Variants in BRD1 observed in about 807,000 individuals in gnomAD.
BRD1 encodes the protein bromodomain-containing protein 1.
A neutral mutation model predicts 107.7 loss-of-function variants in BRD1; 24 were observed. The observed-to-expected ratio is 0.22, with a 90% confidence interval of 0.16 to 0.31. BRD1 has a LOEUF of 0.31. BRD1 is among the 10% of genes least tolerant of loss of function. BRD1 has a pLI of 1.00. For synonymous variants in BRD1, 744 were observed against 686.1 expected (o/e 1.08, Z -1.32); for missense variants, 1,279 against 1,638.6 (o/e 0.78, Z 3.79).
chr22:49,789,716 AACGGGC>A (rs1387608640), intron 7 of BRD1, among the ~76,000 whole-genome samples: 1 of 152,070 alleles, frequency 6.6e-6, no homozygotes, highest in Non-Finnish European at 1.5e-5. Flanking sequence ...ACAGCTATCT[AACGGGC>A]ACCGTAAACC....
intron 2 of BRD1, among the ~76,000 whole-genome samples, chr22:49,820,065 G>A (rs1038731248): frequency 1.3e-5 from 2 of 152,100 alleles, no homozygotes; most frequent in East Asian, 3.9e-4. Flanking sequence ...AGGAGGTGGA[G>A]GTTGCAGTGA....
chr22:49,811,923 T>C (rs2059857690), intron 2 of BRD1, among the ~76,000 whole-genome samples: 1 of 152,242 alleles, frequency 6.6e-6, no homozygotes, highest in African/African-American at 2.4e-5. Flanking sequence ...TGATTTGGCA[T>C]GTATCAAACA....
intron 2 of BRD1, 57 bp downstream of exon 2, chr22:49,822,894 C>T: frequency 1.3e-6 from 2 of 1,575,104 alleles, no homozygotes; most frequent in East Asian, 4.5e-5. Context: ...GTGCCCACGT[C>T]CTCCCAGGGT....
intron 7 of BRD1, among the ~76,000 whole-genome samples, chr22:49,791,276 C>T (rs9616352): frequency 6.6e-6 from 1 of 152,238 alleles, no homozygotes; most frequent in African/African-American, 2.4e-5. Flanking sequence ...GCGGGAGGGC[C>T]TGTACAAGGG....
chr22:49,778,509 A>G (rs2059143238), intron 8 of BRD1, among the ~76,000 whole-genome samples: 1 of 152,242 alleles, frequency 6.6e-6, no homozygotes, highest in Non-Finnish European at 1.5e-5. Flanking sequence ...GGCAAATCTC[A>G]GTATTTTCCC....
intron 7 of BRD1, among the ~76,000 whole-genome samples, chr22:49,791,100 C>T (rs1267226620): frequency 1.3e-5 from 2 of 152,278 alleles, no homozygotes; most frequent in Non-Finnish European, 2.9e-5. Flanking sequence ...CTGCCAGCTG[C>T]AGATCCGTCC....
Position 49,823,756 on chromosome 22 carries a change from A to G in BRD1, c.562T>C (p.Phe188Leu). The G allele has an allele frequency of 6.2e-7, 1 of 1,614,056 alleles. No homozygotes were observed. Among genetic ancestry groups the G allele is most frequent in the Non-Finnish European group, 8.5e-7 (1 of 1,180,008 alleles). Residue 188 changes from phenylalanine to leucine, a missense_variant, in exon 2 of 13, where the codon TTC becomes CTC. This residue lies in a region of BRD1 where 223 missense variants were observed against 263.5 expected (regional missense o/e 0.85). Transcript: ENST00000404760. ...VPAVSQSMFE[F>L]LMDRFEKESH... is the part of the protein sequence containing the mutation. ...TCCTTCTCGAAGCGGTCCATCAGGA[A>G]CTCAAACATGCTCTGCGACACGGCG...
chr22:49,820,316 C>T (rs1191283814), intron 2 of BRD1, among the ~76,000 whole-genome samples: 3 of 152,258 alleles, frequency 2.0e-5, no homozygotes, highest in African/African-American at 2.4e-5. Context: ...TCCCTTCCAG[C>T]GTGACTGGCT....
In BRD1 at chr22:49,776,121, C is replaced by T. The variant is rs770025608; in HGVS notation, c.3160G>A (p.Ala1054Thr). The T allele has an allele frequency of 1.1e-5, 18 of 1,606,700 alleles. No individual in the cohort carries two copies. The highest frequency in any genetic ancestry group is 1.7e-4 in the Middle Eastern group (1 of 6,058). Reference protein sequence around the residue: ...QSSMWISTDAAASVLEPLKVV... With the variant: ...QSSMWISTDATASVLEPLKVV... ...TTCAGAGGCTCCAGCACCGAGGCGG[C>T]GGCATCAGTGGAGATCCACATGCTG... Residue 1054 changes from alanine (A) to threonine (T), a missense_variant, in exon 11 of 13, where the codon GCC (alanine) becomes ACC (threonine). Transcript: ENST00000404760.
At position 49,824,369 on chromosome 22, in the gene BRD1, G is replaced by A. The variant is rs774599876; in HGVS notation, c.-14-38C>T. 5 of 1,595,492 alleles carry A rather than the reference G, an allele frequency of 3.1e-6. No homozygotes were observed. Among genetic ancestry groups the A allele is most frequent in the South Asian group, 1.1e-5 (1 of 89,118 alleles). Reference sequence around the variant, plus strand: ...CAAAAGTAAAGGTAATTCTACGCAGGGTGACCAAAGACTCGAGAAAACCAC... The same window carrying A: ...CAAAAGTAAAGGTAATTCTACGCAGAGTGACCAAAGACTCGAGAAAACCAC... On this transcript the variant is annotated intron_variant, in intron 1 of 12. Coordinates refer to ENST00000404760, the MANE Select transcript of BRD1 (RefSeq NM_001304808.3). This position sits in a 1 kb window ranked among gnomAD's most constrained non-coding sequence, Gnocchi z 5.9.
At chr22:49,782,666 C>A (rs1056005386) in intron 8 of BRD1, among the ~76,000 whole-genome samples, 1 of 147,004 alleles carries the variant, frequency 6.8e-6, no homozygotes, top group Non-Finnish European at 1.5e-5. Flanking sequence ...ACCCACTCCG[C>A]GACAATGCAG....
rs778589209 is a variant in BRD1 at position 49,824,418 on chromosome 22, G to A, written c.-14-87C>T. ...ACAAAAGCATGCTTGGACAGATCTAGCTCAGCAGCTCAAAGCCCAATCAAA... is the reference window on the plus strand; with the variant it reads ...ACAAAAGCATGCTTGGACAGATCTAACTCAGCAGCTCAAAGCCCAATCAAA... On this transcript the variant is annotated intron_variant, in intron 1 of 12. Coordinates refer to ENST00000404760, the MANE Select transcript of BRD1 (RefSeq NM_001304808.3). The surrounding 1 kb of genome is among the most constrained non-coding windows in gnomAD (Gnocchi z 5.9). The A allele has an allele frequency of 3.2e-5, 49 of 1,514,878 alleles. No individual in the cohort carries two copies. The highest frequency in any genetic ancestry group is 4.2e-5 in the Non-Finnish European group (48 of 1,139,220). 93.8% of individuals were successfully genotyped at this position (1,514,878 alleles called of 1,614,324 possible).
At chr22:49,785,689 A>T (rs80173247) in intron 8 of BRD1, among the ~76,000 whole-genome samples, 2 of 152,262 alleles carry the variant, frequency 1.3e-5, no homozygotes, top group Non-Finnish European at 2.9e-5. Flanking sequence ...AAATTATTTT[A>T]AAATGCCAAT....
At chr22:49,798,177 A>C in intron 5 of BRD1, 60 bp from the exon 6 acceptor site, 1 of 1,447,760 alleles carries the variant, frequency 6.9e-7, no homozygotes, top group Non-Finnish European at 9.4e-7. Context: ...AGTTGACTCT[A>C]TATTTATTAT....
chr22:49,824,236 G>A lies in BRD1; in HGVS notation c.82C>T (p.Arg28Ter). 1 of 1,613,988 alleles carries A rather than the reference G, an allele frequency of 6.2e-7. No homozygotes were observed. Among genetic ancestry groups the A allele is most frequent in the Non-Finnish European group, 8.5e-7 (1 of 1,180,028 alleles). The change falls in exon 2 of 13, where the codon CGA (arginine) becomes TGA (stop). Residue 28 changes from arginine (R) to a stop codon, truncating the protein, a stop_gained. Coordinates refer to ENST00000404760, the MANE Select transcript of BRD1 (RefSeq NM_001304808.3). LOFTEE classifies it high-confidence loss of function. This position sits in a 1 kb window ranked among gnomAD's most constrained non-coding sequence, Gnocchi z 5.9. ...GCTTGAGCGTAGGTCAGCGTTTCTC[G>A]CGTAGGGGAGTGTTTAACACTGCAT... Reference protein sequence around the residue: ...SPCSVKHSPTRETLTYAQAQR... With the variant: ...SPCSVKHSPT
intron 5 of BRD1, among the ~76,000 whole-genome samples, 186 bp downstream of exon 5, chr22:49,798,371 AC>A (rs758134146): frequency 6.6e-6 from 1 of 152,226 alleles, no homozygotes; most frequent in Non-Finnish European, 1.5e-5. Context: ...CCTCTTGCCC[AC>A]TGCACTTTCA....
At chr22:49,774,474 C>T in intron 12 of BRD1, 58 bp from the exon 13 acceptor site, 3 of 1,540,040 alleles carry the variant, frequency 1.9e-6, no homozygotes, top group Non-Finnish European at 2.7e-6. Context: ...TTTCAGCAGG[C>T]TCCATGTAAT....
intron 8 of BRD1, 68 bp from the exon 9 acceptor site, chr22:49,777,881 G>T (rs769699850): frequency 1.3e-6 from 2 of 1,511,632 alleles, no homozygotes; most frequent in South Asian, 2.5e-5. Flanking sequence ...ACTCAACGAC[G>T]TTACACTTGG....
At chr22:49,776,248 G>A in intron 10 of BRD1, 89 bp from the exon 11 acceptor site, 1 of 1,192,414 alleles carries the variant, frequency 8.4e-7, no homozygotes, top group Non-Finnish European at 1.2e-6. Context: ...AACAGGGTGG[G>A]TCCCCCGAGC....
Sources: gnomAD v4.1 joint callset for allele counts (sites outside exome capture counted in the v4.1 genomes callset) on GRCh38, gnomAD v4.1.1 for gene constraint, gnomAD v4.1.1 regional missense constraint, Gnocchi (gnomAD v3.1) non-coding constraint, MANE v1.5 for transcripts, NCBI Gene and HGNC (gene_info 2026-07-23, HGNC 2026-07-21) for gene names.